FAM135B: variants seen among roughly 807,000 people sequenced by gnomAD.
FAM135B encodes the protein protein FAM135B.
Under a neutral mutation model 127.7 loss-of-function variants are expected in FAM135B, and 43 were observed. The ratio of observed to expected loss-of-function variants is 0.34; its 90% CI spans 0.26 to 0.43. The LOEUF (loss-of-function observed/expected upper bound fraction) is 0.43. Ranked by LOEUF, FAM135B falls within the 20% of genes least tolerant of loss-of-function variation. FAM135B has a pLI of 1.00. For missense variants in FAM135B, 1,558 were observed against 1,725.6 expected, an observed-to-expected ratio of 0.90 and a Z score of 1.72; for synonymous variants, 670 against 665.1, an observed-to-expected ratio of 1.01 and a Z score of -0.11.
At chr8:138,310,811 C>A (rs765896736) in intron 3 of FAM135B, 30 bp downstream of exon 3, 19 of 1,605,784 alleles carry the variant, frequency 1.2e-5, no homozygotes, top group Non-Finnish European at 1.6e-5. Flanking sequence ...CCATTGGGGG[C>A]AAGTGCCCCA....
At chr8:138,447,793 A>G (rs925900165) in intron 1 of FAM135B, among the ~76,000 whole-genome samples, 3 of 143,928 alleles carry the variant, frequency 2.1e-5, no homozygotes, top group African/African-American at 8.2e-5. Context: ...TGTACCCTAG[A>G]ACTTAAAGTA....
At chr8:138,299,394 C>T (rs1441073427) in intron 3 of FAM135B, among the ~76,000 whole-genome samples, 3 of 152,008 alleles carry the variant, frequency 2.0e-5, no homozygotes, top group South Asian at 2.1e-4. Context: ...GATGAACTCC[C>T]CCCTCCAAAC....
Position 138,428,030 on chromosome 8 carries a change from T to A in FAM135B, c.-19-60028A>T, listed in dbSNP as rs1362070746. Among the ~76,000 whole-genome samples, 3 of 152,272 alleles carry A rather than the reference T, an allele frequency of 2.0e-5. No homozygotes were observed. The East Asian group carries it at 5.8e-4, about 29-fold the overall frequency. Reference sequence around the variant, plus strand: ...ACTTTGCCTACTTCTCCAATAGCAATAACAGCACCACGATCATAATAGGCT... The same window carrying A: ...ACTTTGCCTACTTCTCCAATAGCAAAAACAGCACCACGATCATAATAGGCT... On this transcript the variant is annotated intron_variant, in intron 1 of 19. Transcript: ENST00000395297.
intron 12 of FAM135B, among the ~76,000 whole-genome samples, chr8:138,165,505 T>C (rs1819829113): frequency 6.6e-6 from 1 of 152,166 alleles, no homozygotes; most frequent in South Asian, 2.1e-4. Context: ...TTCACAAGAA[T>C]GTATGTTAAT....
chr8:138,239,797 C>T (rs1313225138), intron 7 of FAM135B, among the ~76,000 whole-genome samples: 1 of 152,170 alleles, frequency 6.6e-6, no homozygotes, highest in East Asian at 1.9e-4. Context: ...GGAACACATA[C>T]ACCATGGAAT....
intron 1 of FAM135B, among the ~76,000 whole-genome samples, chr8:138,368,446 A>T (rs553234414): frequency 2.5e-4 from 38 of 152,330 alleles, no homozygotes; most frequent in African/African-American, 8.2e-4. Flanking sequence ...AGCACATAAC[A>T]TTGATAAATG....
chr8:138,393,921 C>A (rs1832725811), intron 1 of FAM135B, among the ~76,000 whole-genome samples: 1 of 152,206 alleles, frequency 6.6e-6, no homozygotes. Context: ...TGCCTAAGAG[C>A]CAGCCACAAC....
At chr8:138,366,467 G>A (rs1477965518) in intron 2 of FAM135B, among the ~76,000 whole-genome samples, 1 of 152,176 alleles carries the variant, frequency 6.6e-6, no homozygotes, top group Admixed American at 6.5e-5. Context: ...CCAATGGCAA[G>A]AGGACTTCCA....
At chr8:138,497,441 G>C (rs1383829522), upstream of FAM135B, among the ~76,000 whole-genome samples, 2 of 151,980 alleles carry the variant, frequency 1.3e-5, no homozygotes, top group Non-Finnish European at 2.9e-5. Context: ...AGCATGCTCA[G>C]TCCCCGCGGC....
intron 1 of FAM135B, among the ~76,000 whole-genome samples, chr8:138,378,604 G>A (rs1053798340): frequency 6.6e-6 from 1 of 152,108 alleles, no homozygotes; most frequent in East Asian, 1.9e-4. Context: ...AGGAGCAGAG[G>A]GGAGGCTAGA....
At chr8:138,459,913 A>C (rs1457317854) in intron 1 of FAM135B, among the ~76,000 whole-genome samples, 1 of 143,654 alleles carries the variant, frequency 7.0e-6, no homozygotes, top group Non-Finnish European at 1.5e-5. Context: ...TAAGGGAGTT[A>C]CTTCACCCAT....
rs4909738 is a variant in FAM135B, at chr8:138,141,131, G to C, written c.3790+67C>G. On this transcript the variant is annotated intron_variant, in intron 17 of 19. Coordinates refer to ENST00000395297, the MANE Select transcript of FAM135B (RefSeq NM_015912.4). This position sits in a 1 kb window ranked among gnomAD's most constrained non-coding sequence, Gnocchi z 4.7. Reference sequence around the variant, plus strand: ...CAGGGTTCCAAGTGGAAGTACCTGTGCCCGGTTTCACGCCCCAGAGGCCCC... The same window carrying C: ...CAGGGTTCCAAGTGGAAGTACCTGTCCCCGGTTTCACGCCCCAGAGGCCCC... The C allele has an allele frequency of 0.68, 1,014,558 of 1,490,692 alleles. 346,380 individuals are homozygous for C. Among genetic ancestry groups the C allele is most frequent in the East Asian group, 0.77 (34,023 of 43,964 alleles). 92.3% of individuals were successfully genotyped at this position (1,490,692 alleles called of 1,614,324 possible). A position where few individuals can be genotyped will look rare whatever the true frequency, so the allele number is the denominator to read the frequency against.
intron 1 of FAM135B, among the ~76,000 whole-genome samples, chr8:138,408,438 A>T (rs1286048885): frequency 6.6e-6 from 1 of 152,106 alleles, no homozygotes; most frequent in Non-Finnish European, 1.5e-5. Flanking sequence ...TGGCTTCCAA[A>T]TTTTTTTCTG....
rs1586710118 is a variant in FAM135B at position 138,183,399 on chromosome 8, C to T, written c.874-4709G>A. Reference sequence around the variant, plus strand: ...AGCTCTGTTTAGTTGCCAAGCAATGCAGCCTCTCATTAACCCCTCTACATG... The same window carrying T: ...AGCTCTGTTTAGTTGCCAAGCAATGTAGCCTCTCATTAACCCCTCTACATG... On this transcript the variant is annotated intron_variant, in intron 9 of 19. Transcript: ENST00000395297. Among the ~76,000 whole-genome samples, 6 of 152,284 alleles carry T rather than the reference C, an allele frequency of 3.9e-5. 2 individuals are homozygous for T. Among genetic ancestry groups the T allele is most frequent in the Admixed American group, 3.9e-4 (6 of 15,302 alleles).
chr8:138,385,799 G>T (rs909296078), intron 1 of FAM135B, among the ~76,000 whole-genome samples: 1 of 151,968 alleles, frequency 6.6e-6, no homozygotes. Context: ...GTGACAGAGC[G>T]AGCTCAAAAA....
intron 7 of FAM135B, among the ~76,000 whole-genome samples, chr8:138,202,291 C>A (rs1395615958): frequency 6.6e-6 from 1 of 151,768 alleles, no homozygotes; most frequent in Non-Finnish European, 1.5e-5. Flanking sequence ...GCTTTGTTAC[C>A]CAGGTTGGAG....
At chr8:138,299,348 A>C (rs1177417599) in intron 3 of FAM135B, among the ~76,000 whole-genome samples, 1 of 152,106 alleles carries the variant, frequency 6.6e-6, no homozygotes, top group Non-Finnish European at 1.5e-5. Flanking sequence ...TAATTCTTAA[A>C]TGAGGAAAGA....
At chr8:138,153,306 T>A in intron 12 of FAM135B, 90 bp from the exon 13 acceptor site, 1 of 1,120,072 alleles carries the variant, frequency 8.9e-7, no homozygotes, top group Non-Finnish European at 1.2e-6. Context: ...ATAAAGAATT[T>A]AGCTATGTGG....
chr8:138,368,984 T>A (rs1393404180), intron 1 of FAM135B, among the ~76,000 whole-genome samples: 3 of 152,152 alleles, frequency 2.0e-5, no homozygotes, highest in African/African-American at 7.2e-5. Context: ...TTGCCCCATT[T>A]TGCATGCAAG....
Sources: gnomAD v4.1 joint callset for allele counts (sites outside exome capture counted in the v4.1 genomes callset) on GRCh38, gnomAD v4.1.1 for gene constraint, Gnocchi (gnomAD v3.1) non-coding constraint, MANE v1.5 for transcripts, NCBI Gene and HGNC (gene_info 2026-07-23, HGNC 2026-07-21) for gene names.